ANKRD44: variants seen among roughly 807,000 people sequenced by gnomAD.
ANKRD44 encodes the protein serine/threonine-protein phosphatase 6 regulatory ankyrin repeat subunit B.
In ANKRD44, 35 loss-of-function variants were observed where a neutral mutation model predicts 116.0. The observed-to-expected ratio is 0.30, with a 90% confidence interval of 0.23 to 0.40. The LOEUF is 0.40. Ranked by LOEUF, ANKRD44 falls within the 10% of genes least tolerant of loss-of-function variation. The pLI is 1.00. For synonymous variants in ANKRD44, 435 were observed against 461.8 expected, an observed-to-expected ratio of 0.94 and a Z score of 0.74; for missense variants, 1,014 against 1,242.6, an observed-to-expected ratio of 0.82 and a Z score of 2.77.
In ANKRD44 at chr2:196,987,441, T is replaced by C; in HGVS notation, c.*2150A>G. 1.0e-6 allele frequency: 1 copy of C among 985,388 alleles called. No homozygotes were observed. The highest frequency in any genetic ancestry group is 1.2e-6 in the Non-Finnish European group (1 of 829,870). The allele number at this position is 985,388 out of a possible 1,614,324, so 61.0% of individuals were successfully genotyped here. On this transcript the variant is annotated 3_prime_UTR_variant, in exon 28 of 28. Transcript: ENST00000282272. Reference sequence around the variant, plus strand: ...ATAAAAAGGCACTCTAACTTCATATTACAAGACAATAAAACGGATGAGTTC... The same window carrying C: ...ATAAAAAGGCACTCTAACTTCATATCACAAGACAATAAAACGGATGAGTTC...
intron 21 of ANKRD44, among the ~76,000 whole-genome samples, chr2:196,968,994 G>A (rs928273537): frequency 2.0e-5 from 3 of 152,128 alleles, no homozygotes; most frequent in East Asian, 1.9e-4. Context: ...TTTCTCAGAA[G>A]GAACCAGATA....
Position 197,007,929 on chromosome 2 carries a change from C to T in ANKRD44, c.2013-6G>A, listed in dbSNP as rs1559412775. ...CTGCAAGCATCAGTGGTGTTCTAGG[C>T]AGAGAGATAAAGCAGGCTTTTAAAA... On this transcript the variant is annotated splice_polypyrimidine_tract_variant and splice_region_variant and intron_variant, in intron 19 of 27. Coordinates refer to ENST00000282272, the MANE Select transcript of ANKRD44 (RefSeq NM_001195144.2). 1.3e-6 allele frequency: 2 copies of T among 1,598,382 alleles called. No homozygotes were observed. Among genetic ancestry groups the T allele is most frequent in the Non-Finnish European group, 1.7e-6 (2 of 1,166,720 alleles).
chr2:197,156,369 C>T (rs1233115849), intron 2 of ANKRD44, among the ~76,000 whole-genome samples: 2 of 151,908 alleles, frequency 1.3e-5, no homozygotes, highest in Admixed American at 1.3e-4. Context: ...CAGTGCCCAC[C>T]GTCATTAGTC....
chr2:196,969,412 CA>C (rs1172118447), intron 21 of ANKRD44, among the ~76,000 whole-genome samples: 3 of 152,032 alleles, frequency 2.0e-5, no homozygotes, highest in Non-Finnish European at 4.4e-5. Context: ...TCTTCATTTT[CA>C]TTCCTGTTTT....
intron 16 of ANKRD44, among the ~76,000 whole-genome samples, chr2:197,074,911 G>T (rs896480358): frequency 2.0e-5 from 3 of 152,132 alleles, no homozygotes; most frequent in Admixed American, 6.6e-5. Flanking sequence ...TAATTTTAGT[G>T]TTGAGTTGCC....
intron 1 of ANKRD44, among the ~76,000 whole-genome samples, chr2:197,220,574 G>A (rs1237024884): frequency 3.9e-5 from 6 of 152,100 alleles, no homozygotes; most frequent in Non-Finnish European, 7.4e-5. Context: ...TACCTTTGTG[G>A]GGAGGCTCCA....
chr2:197,080,552 T>A (rs149999240), intron 15 of ANKRD44, among the ~76,000 whole-genome samples: 1 of 152,378 alleles, frequency 6.6e-6, no homozygotes, highest in Non-Finnish European at 1.5e-5. Context: ...AAGCGTTTGC[T>A]GCAGTGGCTT....
intron 10 of ANKRD44, 101 bp downstream of exon 10, chr2:197,099,715 C>T: frequency 6.6e-7 from 1 of 1,511,502 alleles, no homozygotes; most frequent in African/African-American, 1.4e-5. Flanking sequence ...ATAGATCCAC[C>T]TTAACCTGGA....
At chr2:197,248,814 C>A (rs971501632) in intron 1 of ANKRD44, among the ~76,000 whole-genome samples, 1 of 151,966 alleles carries the variant, frequency 6.6e-6, no homozygotes, top group Non-Finnish European at 1.5e-5. Context: ...GCAGGAGATA[C>A]TGAAGTATGT....
intron 16 of ANKRD44, among the ~76,000 whole-genome samples, chr2:197,050,824 C>T (rs955702192): frequency 3.3e-5 from 5 of 152,036 alleles, no homozygotes; most frequent in East Asian, 3.9e-4. Context: ...GTTGGTAAGC[C>T]GTCAGGTTAT....
intron 1 of ANKRD44, among the ~76,000 whole-genome samples, chr2:197,279,098 T>C (rs2083189840): frequency 6.6e-6 from 1 of 152,200 alleles, no homozygotes; most frequent in East Asian, 1.9e-4. Flanking sequence ...GGGCTAAGCT[T>C]AGCAGTGCTG....
At chr2:197,276,582 A>G (rs1055647108) in intron 1 of ANKRD44, among the ~76,000 whole-genome samples, 7 of 152,174 alleles carry the variant, frequency 4.6e-5, no homozygotes, top group African/African-American at 1.7e-4. Flanking sequence ...TTAGGTCTTC[A>G]ATATAGCTGT....
intron 16 of ANKRD44, among the ~76,000 whole-genome samples, chr2:197,025,680 G>T (rs2076578009): frequency 6.6e-6 from 1 of 152,250 alleles, no homozygotes; most frequent in South Asian, 2.1e-4. Context: ...GAAATGATCT[G>T]TGCTGTAATG....
intron 1 of ANKRD44, among the ~76,000 whole-genome samples, chr2:197,250,595 T>C (rs1010964123): frequency 6.6e-6 from 1 of 152,162 alleles, no homozygotes; most frequent in Non-Finnish European, 1.5e-5. Context: ...GAATAATAGT[T>C]TATATTGTTG....
rs913784772 is a variant in ANKRD44, at chr2:197,020,203, T to C, written c.1722+4993A>G. ...CTACATCAGTGTGTACATCAGGCTA[T>C]GACACTTGACTCCAGGCTTAGTCTG... On this transcript the variant is annotated intron_variant, in intron 17 of 27. Coordinates refer to ENST00000282272, the MANE Select transcript of ANKRD44 (RefSeq NM_001195144.2). 2.0e-5 allele frequency among the ~76,000 whole-genome samples: 3 copies of C among 152,172 alleles called. 1 individual carries two copies. The highest frequency in any genetic ancestry group is 2.0e-4 in the Admixed American group (3 of 15,272).
chr2:197,098,950 T>C (rs976006068), intron 10 of ANKRD44, among the ~76,000 whole-genome samples: 2 of 152,062 alleles, frequency 1.3e-5, no homozygotes, highest in Non-Finnish European at 2.9e-5. Context: ...GTGCACAGCA[T>C]CATCACATTC....
At chr2:197,080,520 G>A (rs1167129039) in intron 15 of ANKRD44, among the ~76,000 whole-genome samples, 1 of 152,206 alleles carries the variant, frequency 6.6e-6, no homozygotes, top group South Asian at 2.1e-4. Context: ...CTCAGGGCAA[G>A]CTTGCAGTTC....
intron 10 of ANKRD44, among the ~76,000 whole-genome samples, chr2:197,096,308 A>G (rs1166176149): frequency 6.6e-6 from 1 of 152,230 alleles, no homozygotes. Flanking sequence ...TAATGAATGA[A>G]TGAATGTCAG....
rs1256406026 is a variant in ANKRD44, at chr2:197,287,184, AC to A, written c.27+23393del. Among the ~76,000 whole-genome samples, 7 of 152,138 alleles carry A rather than the reference AC, an allele frequency of 4.6e-5. No individual in the cohort carries two copies. The East Asian group carries it at 1.3e-3, about 29-fold the overall frequency. On this transcript the variant is annotated intron_variant, in intron 1 of 27. Coordinates refer to ENST00000282272, the MANE Select transcript of ANKRD44 (RefSeq NM_001195144.2). Reference sequence around the variant, plus strand: ...ACAGTGGGAGAGGCTGGTTGTGGGGACAGGGGTATATGGAACTCTCTGTACT... The same window carrying A: ...ACAGTGGGAGAGGCTGGTTGTGGGGAAGGGGTATATGGAACTCTCTGTACT...
Sources: allele counts gnomAD v4.1 joint callset (sites outside exome capture counted in the v4.1 genomes callset), GRCh38; gene constraint gnomAD v4.1.1; transcripts MANE v1.5; gene names NCBI Gene and HGNC (gene_info 2026-07-23, HGNC 2026-07-21).